Variants in KCNH8 observed in about 807,000 individuals in gnomAD.
KCNH8 encodes the protein voltage-gated delayed rectifier potassium channel KCNH8.
A neutral mutation model predicts 103.6 loss-of-function variants in KCNH8; 70 were observed. That is an observed-to-expected ratio of 0.68 (90% CI 0.56 to 0.82). The LOEUF (loss-of-function observed/expected upper bound fraction) is 0.82. KCNH8 is among the 40% of genes least tolerant of loss of function. KCNH8 has a pLI of 0.00. For missense variants in KCNH8, 1,217 were observed against 1,329.9 expected (o/e 0.92, Z 1.32); for synonymous variants, 498 against 489.4 (o/e 1.02, Z -0.23).
chr3:19,258,128 G>C (rs1008954532), intron 2 of KCNH8, among the ~76,000 whole-genome samples: 3 of 152,030 alleles, frequency 2.0e-5, no homozygotes, highest in African/African-American at 7.2e-5. Flanking sequence ...CTTCAAAAAA[G>C]GTCCCATTTT....
intron 14 of KCNH8, among the ~76,000 whole-genome samples, chr3:19,516,830 T>C (rs2068883027): frequency 6.6e-6 from 1 of 152,090 alleles, no homozygotes; most frequent in South Asian, 2.1e-4. Flanking sequence ...AGTCTTTTCT[T>C]TGACCTCACA....
intron 1 of KCNH8, among the ~76,000 whole-genome samples, chr3:19,251,328 T>A (rs1357992178): frequency 6.6e-6 from 1 of 151,940 alleles, no homozygotes; most frequent in Non-Finnish European, 1.5e-5. Context: ...TGCACCTCAC[T>A]CCTGTGGCCT....
chr3:19,487,315 G>A (rs190749420), intron 11 of KCNH8, among the ~76,000 whole-genome samples: 2 of 152,348 alleles, frequency 1.3e-5, no homozygotes, highest in Non-Finnish European at 2.9e-5. Context: ...CTAACAATGT[G>A]TAACGGTTAG....
intron 1 of KCNH8, among the ~76,000 whole-genome samples, chr3:19,241,155 C>T (rs2064135642): frequency 1.3e-5 from 2 of 152,034 alleles, no homozygotes; most frequent in African/African-American, 4.8e-5. Context: ...TTCCTCTCTC[C>T]CTCTCTTCTT....
chr3:19,446,848 A>G (rs1026531018), intron 8 of KCNH8, among the ~76,000 whole-genome samples: 3 of 151,976 alleles, frequency 2.0e-5, no homozygotes, highest in Admixed American at 1.3e-4. Flanking sequence ...AAAGAGAAAG[A>G]GAAAGAGAAA....
intron 1 of KCNH8, among the ~76,000 whole-genome samples, chr3:19,227,858 G>A (rs2063949253): frequency 6.6e-6 from 1 of 152,170 alleles, no homozygotes; most frequent in Admixed American, 6.5e-5. Flanking sequence ...CACTATACAT[G>A]ATGCCTGTGA....
chr3:19,466,881 G>A (rs1053983306), intron 11 of KCNH8, among the ~76,000 whole-genome samples: 4 of 151,606 alleles, frequency 2.6e-5, no homozygotes, highest in Non-Finnish European at 5.9e-5. Context: ...GGCTGGTCTC[G>A]AACTCCCTAC....
At chr3:19,239,331 C>T (rs557289110) in intron 1 of KCNH8, among the ~76,000 whole-genome samples, 1 of 152,106 alleles carries the variant, frequency 6.6e-6, no homozygotes, top group Non-Finnish European at 1.5e-5. Flanking sequence ...AATCACATTA[C>T]CAGGCATGGA....
intron 3 of KCNH8, among the ~76,000 whole-genome samples, chr3:19,301,277 A>G (rs2065061402): frequency 6.6e-6 from 1 of 151,010 alleles, no homozygotes; most frequent in Non-Finnish European, 1.5e-5. Context: ...GACAATTTGT[A>G]TCCATTTTTA....
intron 1 of KCNH8, among the ~76,000 whole-genome samples, chr3:19,206,236 A>ATATACC (rs1229350212): frequency 6.8e-6 from 1 of 147,854 alleles, no homozygotes; most frequent in African/African-American, 2.5e-5. Flanking sequence ...ATATATATAT[A>ATATACC]ACTGATTGAT....
intron 3 of KCNH8, among the ~76,000 whole-genome samples, chr3:19,306,689 A>G (rs1190830552): frequency 6.6e-6 from 1 of 152,116 alleles, no homozygotes; most frequent in Non-Finnish European, 1.5e-5. Context: ...TGGGAGCAGG[A>G]GCCCCAGAGC....
intron 5 of KCNH8, among the ~76,000 whole-genome samples, chr3:19,356,453 T>C (rs1158000029): frequency 6.6e-6 from 1 of 152,000 alleles, no homozygotes; most frequent in Non-Finnish European, 1.5e-5. Flanking sequence ...ATATGAATGG[T>C]GAATCTCTAC....
intron 7 of KCNH8, among the ~76,000 whole-genome samples, chr3:19,428,136 A>G (rs190365380): frequency 6.6e-6 from 1 of 152,338 alleles, no homozygotes; most frequent in Non-Finnish European, 1.5e-5. Context: ...CAATATTTTA[A>G]TATCAACATT....
chr3:19,385,801 A>T (rs1553585534), intron 5 of KCNH8, among the ~76,000 whole-genome samples: 1 of 152,148 alleles, frequency 6.6e-6, no homozygotes, highest in Non-Finnish European at 1.5e-5. Flanking sequence ...AATGAAAAAA[A>T]CAGAGTATCT....
chr3:19,395,442 A>T, intron 7 of KCNH8, 131 bp downstream of exon 7: 2 of 600,804 alleles, frequency 3.3e-6, no homozygotes, highest in Non-Finnish European at 5.6e-6. Context: ...ATTAATTTCT[A>T]TTTTTGAATC....
Position 19,352,951 on chromosome 3 carries a change from T to A in KCNH8, c.811+4986T>A, listed in dbSNP as rs1291345015. Among the ~76,000 whole-genome samples, 3 of 152,028 alleles carry A rather than the reference T, an allele frequency of 2.0e-5. 1 individual carries two copies. The East Asian group carries it at 5.8e-4, about 29-fold the overall frequency. Reference sequence around the variant, plus strand: ...AAAATCAATGAATCCAGGAGCTGTTTTTTTTTAAAAGATCAACAAAATTGA... The same window carrying A: ...AAAATCAATGAATCCAGGAGCTGTTATTTTTTAAAAGATCAACAAAATTGA... On this transcript the variant is annotated intron_variant, in intron 5 of 15. Coordinates refer to ENST00000328405, the MANE Select transcript of KCNH8 (RefSeq NM_144633.3).
At chr3:19,312,688 T>C (rs2065221856) in intron 3 of KCNH8, among the ~76,000 whole-genome samples, 1 of 151,908 alleles carries the variant, frequency 6.6e-6, no homozygotes, top group East Asian at 1.9e-4. Flanking sequence ...ATGGCTCTTG[T>C]TAGTATTATG....
chr3:19,484,887 A>G (rs942394341), intron 11 of KCNH8, among the ~76,000 whole-genome samples: 2 of 152,152 alleles, frequency 1.3e-5, no homozygotes, highest in Admixed American at 6.5e-5. Context: ...AAGTCTCTGT[A>G]GTATAGGAGG....
At chr3:19,385,801 A>C (rs1553585534) in intron 5 of KCNH8, among the ~76,000 whole-genome samples, 1 of 152,148 alleles carries the variant, frequency 6.6e-6, no homozygotes, top group African/African-American at 2.4e-5. Context: ...AATGAAAAAA[A>C]CAGAGTATCT....
Sources: gnomAD v4.1 joint callset for allele counts (sites outside exome capture counted in the v4.1 genomes callset) on GRCh38, gnomAD v4.1.1 for gene constraint, MANE v1.5 for transcripts, NCBI Gene and HGNC (gene_info 2026-07-23, HGNC 2026-07-21) for gene names.